The following SPMIP11 variants were observed in gnomAD, a reference collection of about 807,000 sequenced individuals.
The protein encoded by SPMIP11 is sperm microtubule inner protein 11, also known as long intergenic non-protein coding RNA 935.
the SPMIP11 span, among the ~76,000 whole-genome samples, chr12:48,735,712 C>T: frequency 5.3e-5 from 8 of 152,032 alleles, no homozygotes; most frequent in East Asian, 1.9e-4. Context: ...GGCTAAATCC[C>T]GTCTCTACTA....
At chr12:48,759,582 G>A in the SPMIP11 span, among the ~76,000 whole-genome samples, 2 of 148,390 alleles carry the variant, frequency 1.3e-5, no homozygotes, top group Admixed American at 6.6e-5. Flanking sequence ...AGCTACTCAA[G>A]AGGCCTTGAA....
the SPMIP11 span, among the ~76,000 whole-genome samples, chr12:48,755,058 T>G: frequency 2.0e-5 from 3 of 152,202 alleles, no homozygotes; most frequent in Non-Finnish European, 4.4e-5. Flanking sequence ...CAGCCCCAGT[T>G]GCAACAAACA....
the SPMIP11 span, among the ~76,000 whole-genome samples, chr12:48,743,933 CAAAAAAAAAAAAAAAAA>C: frequency 1.1e-3 from 39 of 34,894 alleles, no homozygotes; most frequent in African/African-American, 4.1e-3. Flanking sequence ...GACTTCGTCT[CAAAAAAAAAAAAAAAAA>C]AAAAAAAAAA....
chr12:48,742,082 T>C, the SPMIP11 span, among the ~76,000 whole-genome samples: 9 of 151,834 alleles, frequency 5.9e-5, no homozygotes, highest in African/African-American at 2.2e-4. Context: ...ACTACAATTT[T>C]AAAAAAAATT....
the SPMIP11 span, among the ~76,000 whole-genome samples, chr12:48,748,468 T>C: frequency 1.3e-4 from 20 of 149,936 alleles, no homozygotes; most frequent in South Asian, 3.8e-3. Context: ...TCAAAATTCC[T>C]GGAAAGAGAA....
chr12:48,737,096 C>T, the SPMIP11 span, among the ~76,000 whole-genome samples: 3 of 151,908 alleles, frequency 2.0e-5, no homozygotes, highest in African/African-American at 7.3e-5. Context: ...ACTGCAGGCA[C>T]ACACCACCAT....
chr12:48,732,412 C>G, the SPMIP11 span, among the ~76,000 whole-genome samples: 1 of 152,030 alleles, frequency 6.6e-6, no homozygotes, highest in East Asian at 1.9e-4. Flanking sequence ...ACTACACACC[C>G]CTGGCATAAT....
the SPMIP11 span, among the ~76,000 whole-genome samples, chr12:48,742,277 C>CTTTTTTTTTTTT: frequency 1.9e-3 from 163 of 87,208 alleles, 4 homozygotes; most frequent in East Asian, 5.2e-3. Flanking sequence ...CTTTTCTTTT[C>CTTTTTTTTTTTT]CTTTTTTTTT....
At chr12:48,736,126 C>A in the SPMIP11 span, 201 of 451,084 alleles carry the variant, frequency 4.5e-4, 1 homozygote, top group African/African-American at 3.7e-3. Context: ...AATTCCTGGC[C>A]TCCATGGTAG....
the SPMIP11 span, chr12:48,727,661 T>G: frequency 1.5e-6 from 1 of 650,186 alleles, no homozygotes; most frequent in Non-Finnish European, 2.8e-6. Flanking sequence ...GGTTAGAGAT[T>G]TATCCTCCAA....
At chr12:48,764,920 C>T in the SPMIP11 span, 1 of 702,954 alleles carries the variant, frequency 1.4e-6, no homozygotes, top group East Asian at 2.7e-5. Context: ...TCCCATGATC[C>T]AGGAGTGCGT....
the SPMIP11 span, chr12:48,759,183 T>C: frequency 1.4e-6 from 1 of 702,324 alleles, no homozygotes; most frequent in South Asian, 1.5e-5. Context: ...TGCCAAGTAC[T>C]CAGAACGAGT....
chr12:48,728,344 G>A, the SPMIP11 span, among the ~76,000 whole-genome samples: 2 of 152,192 alleles, frequency 1.3e-5, no homozygotes, highest in Non-Finnish European at 2.9e-5. Context: ...GAGGATGGGG[G>A]AATCCTTCAG....
the SPMIP11 span, among the ~76,000 whole-genome samples, chr12:48,729,144 G>T: frequency 6.6e-6 from 1 of 152,212 alleles, no homozygotes; most frequent in Admixed American, 6.5e-5. Flanking sequence ...GCTCACGCCT[G>T]TAATCCCAGC....
the SPMIP11 span, chr12:48,768,188 GA>G: frequency 3.6e-6 from 1 of 275,280 alleles, no homozygotes; most frequent in Non-Finnish European, 7.1e-6. Context: ...ATATTCCCAG[GA>G]AAAAAGAGGG....
At chr12:48,752,901 AC>A in the SPMIP11 span, among the ~76,000 whole-genome samples, 1 of 151,710 alleles carries the variant, frequency 6.6e-6, no homozygotes, top group African/African-American at 2.4e-5. Flanking sequence ...CGAACTATCG[AC>A]CTCAGGTGAT....
chr12:48,758,729 C>G, the SPMIP11 span, among the ~76,000 whole-genome samples: 1 of 152,206 alleles, frequency 6.6e-6, no homozygotes, highest in East Asian at 1.9e-4. Context: ...CTCTCTGATG[C>G]CTTTCTAATG....
chr12:48,769,440 A>T, the SPMIP11 span, among the ~76,000 whole-genome samples: 2 of 151,298 alleles, frequency 1.3e-5, no homozygotes, highest in African/African-American at 4.8e-5. Context: ...AAAAACCCAA[A>T]AAACAAATAA....
the SPMIP11 span, among the ~76,000 whole-genome samples, chr12:48,729,680 A>C: frequency 3.7e-4 from 55 of 150,630 alleles, no homozygotes; most frequent in Middle Eastern, 3.4e-3. Context: ...ACTGCACTTC[A>C]GCCTGGCAAC....
Sources: gnomAD v4.1 joint callset for allele counts (sites outside exome capture counted in the v4.1 genomes callset) on GRCh38, gnomAD v4.1.1 for gene constraint, MANE v1.5 for transcripts, NCBI Gene and HGNC (gene_info 2026-07-23, HGNC 2026-07-21) for gene names.